The following LSAMP variants were observed in gnomAD, a reference collection of about 807,000 sequenced individuals.
LSAMP encodes the protein limbic system associated membrane protein.
LSAMP carries 7 observed loss-of-function variants against 38.6 expected under a neutral mutation model. The observed-to-expected ratio is 0.18, with a 90% CI of 0.10 to 0.34. The LOEUF is 0.34. LSAMP is among the 10% of genes least tolerant of loss of function. The probability of loss-of-function intolerance (pLI) is 1.00; values close to 1 mark genes in which losing one functional copy is unlikely to be tolerated. For missense variants in LSAMP, 313 were observed against 420.0 expected (o/e 0.75, Z 2.23); for synonymous variants, 154 against 166.8 (o/e 0.92, Z 0.59).
intron 1 of LSAMP, among the ~76,000 whole-genome samples, chr3:116,122,148 A>C (rs989687457): frequency 6.6e-6 from 1 of 152,198 alleles, no homozygotes; most frequent in African/African-American, 2.4e-5. Context: ...AAATAACATT[A>C]TTTGCAATAA....
At chr3:115,900,931 A>G (rs779750335) in intron 3 of LSAMP, among the ~76,000 whole-genome samples, 10 of 152,122 alleles carry the variant, frequency 6.6e-5, no homozygotes, top group Non-Finnish European at 1.3e-4. Flanking sequence ...ATTTGGAAGT[A>G]TTCTTCTTTT....
intron 3 of LSAMP, among the ~76,000 whole-genome samples, chr3:116,008,538 A>T (rs1426643276): frequency 6.6e-6 from 1 of 152,192 alleles, no homozygotes; most frequent in Non-Finnish European, 1.5e-5. Context: ...TGTCATTCAG[A>T]CTGCATCTCT....
intron 1 of LSAMP, among the ~76,000 whole-genome samples, chr3:116,087,185 G>T (rs1382477859): frequency 2.0e-5 from 3 of 152,214 alleles, no homozygotes; most frequent in Non-Finnish European, 4.4e-5. Flanking sequence ...GAAGGCAGAA[G>T]CTTGTTTGGT....
chr3:116,417,947 A>G (rs902152616), intron 1 of LSAMP, among the ~76,000 whole-genome samples: 5 of 152,352 alleles, frequency 3.3e-5, no homozygotes, highest in Non-Finnish European at 7.3e-5. Context: ...AAATGTTTAC[A>G]TTCTAGAGAG....
At chr3:116,439,316 G>T (rs56302657) in intron 1 of LSAMP, among the ~76,000 whole-genome samples, 73,494 of 142,762 alleles carry the variant, frequency 0.51, 20,027 homozygotes, top group East Asian at 0.68. Flanking sequence ...CTGAGATTTT[G>T]TTGTTTTTTT....
intron 1 of LSAMP, among the ~76,000 whole-genome samples, chr3:116,171,181 G>A (rs1021204331): frequency 6.6e-6 from 1 of 151,976 alleles, no homozygotes; most frequent in Non-Finnish European, 1.5e-5. Flanking sequence ...ATGATTACAT[G>A]GGTTAATACA....
chr3:116,232,332 TCTC>T (rs1213868890), intron 1 of LSAMP, among the ~76,000 whole-genome samples: 6 of 152,174 alleles, frequency 3.9e-5, no homozygotes, highest in South Asian at 2.1e-4. Flanking sequence ...ATGACTTACT[TCTC>T]CTTCTGTTCT....
chr3:116,249,962 T>C (rs746008771), intron 1 of LSAMP, among the ~76,000 whole-genome samples: 1 of 152,182 alleles, frequency 6.6e-6, no homozygotes, highest in Non-Finnish European at 1.5e-5. Flanking sequence ...TTATGACCTA[T>C]AGGATAGCCA....
At position 115,808,750 on chromosome 3, in the gene LSAMP, C is replaced by T. The variant is rs1933711008; in HGVS notation, c.*1567G>A. 1 of 152,198 alleles carries T rather than the reference C, an allele frequency of 6.6e-6. No homozygotes were observed. The highest frequency in any genetic ancestry group is 6.5e-5 in the Admixed American group (1 of 15,272). The allele number at this position is 152,198 out of a possible 1,614,324, so 9.4% of individuals were successfully genotyped here. ...GCAGGCAACCAAATAAAACATTAAC[C>T]TAGAACACTGGGAAAAACATCTGCA... is the stretch of plus-strand genomic sequence containing the variant. On this transcript the variant is annotated 3_prime_UTR_variant, in exon 7 of 7. Coordinates refer to ENST00000490035, the MANE Select transcript of LSAMP (RefSeq NM_002338.5).
At chr3:115,960,525 T>C (rs1938591433) in intron 3 of LSAMP, among the ~76,000 whole-genome samples, 1 of 152,230 alleles carries the variant, frequency 6.6e-6, no homozygotes, top group South Asian at 2.1e-4. Flanking sequence ...AGTAAAATTC[T>C]ACTGATGCAT....
At chr3:115,812,519 C>T (rs915621084) in intron 6 of LSAMP, among the ~76,000 whole-genome samples, 1 of 152,156 alleles carries the variant, frequency 6.6e-6, no homozygotes, top group African/African-American at 2.4e-5. Context: ...CCTTCAAGCT[C>T]TCTTAGTGGC....
At chr3:116,400,337 G>C (rs994443992) in intron 1 of LSAMP, among the ~76,000 whole-genome samples, 1 of 151,858 alleles carries the variant, frequency 6.6e-6, no homozygotes, top group African/African-American at 2.4e-5. Context: ...TTTGAGCCAA[G>C]TTTGATCTTT....
intron 1 of LSAMP, among the ~76,000 whole-genome samples, chr3:116,243,144 G>C (rs139273287): frequency 7.9e-4 from 120 of 152,218 alleles, no homozygotes; most frequent in African/African-American, 2.6e-3. Flanking sequence ...GGCAAATTCA[G>C]AGCAATGCAC....
intron 1 of LSAMP, among the ~76,000 whole-genome samples, chr3:116,148,324 T>A (rs1307167084): frequency 1.3e-5 from 2 of 151,978 alleles, no homozygotes; most frequent in Non-Finnish European, 2.9e-5. Context: ...AACACTTATA[T>A]AATGTCACAC....
intron 1 of LSAMP, among the ~76,000 whole-genome samples, chr3:116,231,643 G>A (rs1478420972): frequency 6.6e-6 from 1 of 152,160 alleles, no homozygotes; most frequent in African/African-American, 2.4e-5. Context: ...TCACAGAGAA[G>A]TGGGCAATTA....
chr3:116,310,540 C>A (rs1559823362), intron 1 of LSAMP, among the ~76,000 whole-genome samples: 2 of 152,150 alleles, frequency 1.3e-5, no homozygotes, highest in African/African-American at 4.8e-5. Flanking sequence ...TATTTTGATC[C>A]TTTAGGCTTT....
At chr3:116,270,089 C>T (rs897167631) in intron 1 of LSAMP, among the ~76,000 whole-genome samples, 6 of 152,168 alleles carry the variant, frequency 3.9e-5, no homozygotes, top group African/African-American at 1.4e-4. Flanking sequence ...TTGCCTTATT[C>T]ATAAAATAAA....
At chr3:116,059,613 G>A (rs1044520082) in intron 2 of LSAMP, among the ~76,000 whole-genome samples, 11 of 152,154 alleles carry the variant, frequency 7.2e-5, no homozygotes, top group Admixed American at 6.5e-4. Flanking sequence ...TTTTCAGCAG[G>A]TAGAGCTAGT....
Position 115,858,167 on chromosome 3 carries a change from C to CACACACACACACACACACACGCAA in LSAMP, c.515-5551_515-5550insTTGCGTGTGTGTGTGTGTGTGTGT, listed in dbSNP as rs1332402730. Among the ~76,000 whole-genome samples, 306 of 149,100 alleles carry CACACACACACACACACACACGCAA rather than the reference C, an allele frequency of 2.1e-3. 2 individuals carry two copies. Among genetic ancestry groups the CACACACACACACACACACACGCAA allele is most frequent in the African/African-American group, 6.6e-3 (268 of 40,906 alleles). On this transcript the variant is annotated intron_variant, in intron 3 of 6. Coordinates refer to ENST00000490035, the MANE Select transcript of LSAMP (RefSeq NM_002338.5). ...TCTCTCTCTCTCTCTCTCTCTCTCA[C>CACACACACACACACACACACGCAA]ACACACACACCCCACAAAAAGCTAG...
Sources: allele counts gnomAD v4.1 joint callset (sites outside exome capture counted in the v4.1 genomes callset), GRCh38; gene constraint gnomAD v4.1.1; transcripts MANE v1.5; gene names NCBI Gene and HGNC (gene_info 2026-07-23, HGNC 2026-07-21).